CYP19A1: variants seen among roughly 807,000 people sequenced by gnomAD.
The protein encoded by CYP19A1 is aromatase.
A neutral mutation model predicts 44.4 loss-of-function variants in CYP19A1; 32 were observed. That is an observed-to-expected ratio of 0.72 (90% CI 0.54 to 0.97). The LOEUF (loss-of-function observed/expected upper bound fraction) is 0.97. Ranked by LOEUF, CYP19A1 falls within the 50% of genes least tolerant of loss-of-function variation. The pLI, the probability that CYP19A1 is intolerant of heterozygous loss-of-function variation, is 0.00. For synonymous variants in CYP19A1, 212 were observed against 215.6 expected, an observed-to-expected ratio of 0.98 and a Z score of 0.14; for missense variants, 598 against 637.8, an observed-to-expected ratio of 0.94 and a Z score of 0.67.
rs28757139 is a variant in CYP19A1 at position 51,274,906 on chromosome 15, C to T, written c.-38-31956G>A. On this transcript the variant is annotated intron_variant, in intron 1 of 9. Coordinates refer to ENST00000396402, the MANE Select transcript of CYP19A1 (RefSeq NM_000103.4). ...GGGACAGCATACCGAAATCCTGCAA[C>T]GCTGGGGAGAAAGCTCTGCTTTCTC... Among the ~76,000 whole-genome samples the T allele has an allele frequency of 5.7e-3, 875 of 152,268 alleles. 14 individuals are homozygous for T. Among genetic ancestry groups the T allele is most frequent in the African/African-American group, 0.02 (841 of 41,548 alleles).
intron 1 of CYP19A1, among the ~76,000 whole-genome samples, chr15:51,307,340 G>A (rs10519301): frequency 0.036 from 5,496 of 152,292 alleles, 264 homozygotes; most frequent in East Asian, 0.14. Context: ...ATCTATTGAT[G>A]TCACAAGGCT....
At chr15:51,318,519 A>C (rs1309674399) in intron 1 of CYP19A1, 1 of 152,254 alleles carries the variant, frequency 6.6e-6, no homozygotes, top group Non-Finnish European at 1.5e-5. Context: ...CCAGTTTCCC[A>C]TCACATCACT....
intron 1 of CYP19A1, among the ~76,000 whole-genome samples, chr15:51,323,495 CTT>C (rs78648888): frequency 5.5e-4 from 79 of 143,298 alleles, no homozygotes; most frequent in African/African-American, 1.8e-3. Flanking sequence ...TGTGTCTCTA[CTT>C]TTTTTTTTTT....
intron 2 of CYP19A1, among the ~76,000 whole-genome samples, chr15:51,240,290 A>G (rs918522397): frequency 6.6e-6 from 1 of 152,106 alleles, no homozygotes; most frequent in Non-Finnish European, 1.5e-5. Context: ...CGGCTAGAAG[A>G]AGCTTAGATA....
chr15:51,244,514 C>G (rs574440348), intron 1 of CYP19A1, among the ~76,000 whole-genome samples: 2 of 151,960 alleles, frequency 1.3e-5, no homozygotes, highest in African/African-American at 4.8e-5. Context: ...AGCCTTGTGT[C>G]TGTTATCATC....
At chr15:51,277,696 AT>A (rs1366523602) in intron 1 of CYP19A1, among the ~76,000 whole-genome samples, 2 of 152,242 alleles carry the variant, frequency 1.3e-5, no homozygotes, top group African/African-American at 4.8e-5. Flanking sequence ...CATGATGTGG[AT>A]TTTTTTCCCA....
intron 1 of CYP19A1, among the ~76,000 whole-genome samples, chr15:51,277,827 T>A (rs544081043): frequency 3.7e-4 from 57 of 152,086 alleles, no homozygotes; most frequent in African/African-American, 1.2e-3. Context: ...CACGTTTTTT[T>A]AAAAAAATCA....
intron 3 of CYP19A1, among the ~76,000 whole-genome samples, chr15:51,236,178 C>T (rs986941390): frequency 1.3e-5 from 2 of 152,296 alleles, no homozygotes; most frequent in African/African-American, 4.8e-5. Context: ...CCGGGATACT[C>T]GCATAAAGTC....
chr15:51,212,793 A>G (rs1336163674), intron 8 of CYP19A1, among the ~76,000 whole-genome samples: 2 of 152,220 alleles, frequency 1.3e-5, no homozygotes, highest in African/African-American at 4.8e-5. Flanking sequence ...TGGAGTTTAT[A>G]GAAAAGTCTG....
intron 1 of CYP19A1, among the ~76,000 whole-genome samples, chr15:51,306,909 C>T (rs534215730): frequency 1.3e-5 from 2 of 152,234 alleles, no homozygotes; most frequent in Non-Finnish European, 2.9e-5. Context: ...AAGAAGAGAA[C>T]TGAAAAGGCA....
intron 1 of CYP19A1, among the ~76,000 whole-genome samples, chr15:51,267,294 C>T (rs1039506158): frequency 3.3e-5 from 5 of 152,148 alleles, no homozygotes; most frequent in Admixed American, 3.3e-4. Flanking sequence ...CGGTCGGTGC[C>T]GCCCGCAGAA....
chr15:51,281,633 G>A (rs891543758), intron 1 of CYP19A1, among the ~76,000 whole-genome samples: 1 of 152,174 alleles, frequency 6.6e-6, no homozygotes, highest in Non-Finnish European at 1.5e-5. Flanking sequence ...CAGGAGAGTT[G>A]GCCCCCCTCT....
chr15:51,294,631 G>T lies in CYP19A1; in HGVS notation c.-39+43864C>A, dbSNP rs1283865554. Among the ~76,000 whole-genome samples, 23 of 130,142 alleles carry T rather than the reference G, an allele frequency of 1.8e-4. No individual in the cohort carries two copies. In the East Asian group the frequency reaches 2.3e-3, roughly 13 times the overall value. The allele number at this position is 130,142 out of a possible 152,430, so 85.4% of individuals were successfully genotyped here. A position where few individuals can be genotyped will look rare whatever the true frequency, so the allele number is the denominator to read the frequency against. ...CAGCTGCCCTGTCCGGGAGGGAGGT[G>T]GGGGGGTCAGCCCCCCGCCCGGCCA... On this transcript the variant is annotated intron_variant, in intron 1 of 9. Transcript: ENST00000396402.
intron 1 of CYP19A1, among the ~76,000 whole-genome samples, chr15:51,334,850 C>T (rs2036752999): frequency 6.6e-6 from 1 of 152,180 alleles, no homozygotes; most frequent in African/African-American, 2.4e-5. Context: ...GCCACCTGGC[C>T]CCAGGTCATA....
At chr15:51,278,660 T>C (rs1566908788) in intron 1 of CYP19A1, among the ~76,000 whole-genome samples, 1 of 152,202 alleles carries the variant, frequency 6.6e-6, no homozygotes, top group Non-Finnish European at 1.5e-5. Flanking sequence ...GTGAACGTGA[T>C]TGTCACTGCA....
intron 1 of CYP19A1, among the ~76,000 whole-genome samples, chr15:51,259,834 A>G (rs1047132755): frequency 6.6e-6 from 1 of 152,236 alleles, no homozygotes; most frequent in African/African-American, 2.4e-5. Context: ...ATTGCCCCAA[A>G]TTACATTTAT....
intron 1 of CYP19A1, among the ~76,000 whole-genome samples, chr15:51,332,998 G>A (rs1217445470): frequency 6.6e-6 from 1 of 152,102 alleles, no homozygotes; most frequent in African/African-American, 2.4e-5. Context: ...TTCTTAACTT[G>A]GGAAATTTAC....
At chr15:51,294,819 T>C (rs940853041) in intron 1 of CYP19A1, among the ~76,000 whole-genome samples, 1 of 151,376 alleles carries the variant, frequency 6.6e-6, no homozygotes, top group Non-Finnish European at 1.5e-5. Context: ...GTCTGGGAGG[T>C]GTACCCAACA....
intron 1 of CYP19A1, among the ~76,000 whole-genome samples, chr15:51,294,474 C>T (rs1375816387): frequency 2.0e-4 from 23 of 117,084 alleles, no homozygotes; most frequent in East Asian, 9.0e-4. Context: ...CCCCTCCGCC[C>T]GGCAGCTGCC....
Sources: allele counts gnomAD v4.1 joint callset (sites outside exome capture counted in the v4.1 genomes callset), GRCh38; gene constraint gnomAD v4.1.1; transcripts MANE v1.5; gene names NCBI Gene and HGNC (gene_info 2026-07-23, HGNC 2026-07-21).